NALCN: variants seen among roughly 807,000 people sequenced by gnomAD.
NALCN encodes the protein sodium leak channel, non-selective.
In NALCN, 111 loss-of-function variants were observed where a neutral mutation model predicts 225.3. That is an observed-to-expected ratio of 0.49 (90% CI 0.42 to 0.58). The LOEUF (loss-of-function observed/expected upper bound fraction) is 0.58, where lower values mean the gene tolerates loss of function less well. Among genes scored for constraint, NALCN ranks in the 20% least tolerant of loss-of-function variants. NALCN has a pLI of 0.00. For synonymous variants in NALCN, 764 were observed against 769.0 expected, an observed-to-expected ratio of 0.99 and a Z score of 0.11; for missense variants, 1,378 against 2,202.4, an observed-to-expected ratio of 0.63 and a Z score of 7.49.
chr13:101,099,124 T>C (rs923636372), intron 27 of NALCN, among the ~76,000 whole-genome samples: 1 of 150,458 alleles, frequency 6.6e-6, no homozygotes, highest in Admixed American at 6.6e-5. Flanking sequence ...TGAAGTGTTA[T>C]TATCTTTCTG....
intron 13 of NALCN, among the ~76,000 whole-genome samples, chr13:101,214,743 AG>A (rs2040664730): frequency 6.6e-6 from 1 of 152,110 alleles, no homozygotes; most frequent in African/African-American, 2.4e-5. Flanking sequence ...TAAGGTACAA[AG>A]TCATGAACCT....
intron 13 of NALCN, among the ~76,000 whole-genome samples, chr13:101,227,163 C>G (rs1355508455): frequency 6.6e-6 from 1 of 152,178 alleles, no homozygotes; most frequent in Admixed American, 6.5e-5. Flanking sequence ...ACCTCGACAC[C>G]TGTCAGCTCA....
chr13:101,178,069 T>C (rs1296428560), intron 14 of NALCN, among the ~76,000 whole-genome samples: 1 of 152,184 alleles, frequency 6.6e-6, no homozygotes, highest in Non-Finnish European at 1.5e-5. Flanking sequence ...ATCAGGCTTA[T>C]TCTGAACCAG....
At chr13:101,245,964 A>G (rs1176354274) in intron 11 of NALCN, among the ~76,000 whole-genome samples, 4 of 152,184 alleles carry the variant, frequency 2.6e-5, no homozygotes, top group African/African-American at 7.2e-5. Context: ...GTAGGTGGCC[A>G]ATGGGAAACC....
intron 7 of NALCN, among the ~76,000 whole-genome samples, chr13:101,324,707 CA>C (rs1463557329): frequency 2.0e-5 from 3 of 152,176 alleles, no homozygotes; most frequent in Admixed American, 2.0e-4. Flanking sequence ...GATATACAAT[CA>C]TGTCATCTGC....
rs893899221 is a variant in NALCN at position 101,055,397 on chromosome 13, G to A, written c.5115C>T (p.Pro1705=). 6.2e-7 allele frequency: 1 copy of A among 1,614,150 alleles called. No individual in the cohort carries two copies. The highest frequency in any genetic ancestry group is 1.1e-5 in the South Asian group (1 of 91,084). ...TMKSVVCKMN[P]MTDAASCGSE... is the part of the protein sequence containing the mutation. ...AACCGCAGGAAGCCGCGTCAGTCAT[G>A]GGGTTCATTTTGCACACGACAGATT... is the stretch of plus-strand genomic sequence containing the variant. Residue 1705 remains proline, a synonymous_variant, in exon 44 of 44, where the codon CCC becomes CCT. Coordinates refer to ENST00000251127, the MANE Select transcript of NALCN (RefSeq NM_052867.4).
intron 4 of NALCN, 62 bp from the exon 5 acceptor site, chr13:101,377,118 G>A (rs1402289769): frequency 1.9e-6 from 3 of 1,600,952 alleles, no homozygotes; most frequent in South Asian, 2.2e-5. Flanking sequence ...TATAGTCATG[G>A]AACATACAGA....
Position 101,235,192 on chromosome 13 carries a change from G to A in NALCN, c.1434+2563C>T, listed in dbSNP as rs1044822291. Among the ~76,000 whole-genome samples the A allele has an allele frequency of 9.9e-5, 15 of 151,828 alleles. 1 individual carries two copies. The highest frequency in any genetic ancestry group is 1.9e-4 in the East Asian group (1 of 5,176). On this transcript the variant is annotated intron_variant, in intron 12 of 43. Coordinates refer to ENST00000251127, the MANE Select transcript of NALCN (RefSeq NM_052867.4). ...CAATTATAATTTTATGGTTAAATTCGCGTTATGACTTATTAAGCTATTCCT... is the reference window on the plus strand; with the variant it reads ...CAATTATAATTTTATGGTTAAATTCACGTTATGACTTATTAAGCTATTCCT...
intron 37 of NALCN, among the ~76,000 whole-genome samples, chr13:101,071,303 T>A (rs1247091692): frequency 2.6e-5 from 4 of 152,250 alleles, no homozygotes; most frequent in African/African-American, 4.8e-5. Flanking sequence ...AGGCATTGAC[T>A]TCTCCTTTCT....
intron 7 of NALCN, among the ~76,000 whole-genome samples, chr13:101,340,084 G>A (rs552503236): frequency 3.3e-5 from 5 of 151,630 alleles, no homozygotes; most frequent in Non-Finnish European, 5.9e-5. Context: ...TGGCTAACAC[G>A]GTGAAACTCC....
intron 14 of NALCN, among the ~76,000 whole-genome samples, chr13:101,184,374 G>GT (rs1476641733): frequency 6.6e-6 from 1 of 152,114 alleles, no homozygotes; most frequent in Non-Finnish European, 1.5e-5. Context: ...TCTCACAGGC[G>GT]TTTGATTTCT....
intron 18 of NALCN, among the ~76,000 whole-genome samples, chr13:101,120,256 C>T (rs1440769594): frequency 2.6e-5 from 4 of 152,194 alleles, no homozygotes; most frequent in African/African-American, 9.6e-5. Flanking sequence ...AGCTCTCCAG[C>T]TTAATTTCCA....
chr13:101,178,142 G>A (rs542454284), intron 14 of NALCN, among the ~76,000 whole-genome samples: 15 of 152,160 alleles, frequency 9.9e-5, no homozygotes, highest in Middle Eastern at 3.4e-3. Flanking sequence ...CCAATACCTC[G>A]ACGACAGAAA....
chr13:101,180,406 G>C (rs1399082545), intron 14 of NALCN: 1 of 148,756 alleles, frequency 6.7e-6, no homozygotes, highest in Non-Finnish European at 1.5e-5. Context: ...GTAGAGACAA[G>C]GTTGACCAGG....
intron 7 of NALCN, among the ~76,000 whole-genome samples, chr13:101,323,011 C>A (rs1319712328): frequency 6.6e-6 from 1 of 152,054 alleles, no homozygotes; most frequent in African/African-American, 2.4e-5. Flanking sequence ...CTGCGCCTGG[C>A]CCTAAGCATC....
At chr13:101,131,466 T>C (rs984165918) in intron 17 of NALCN, among the ~76,000 whole-genome samples, 3 of 152,186 alleles carry the variant, frequency 2.0e-5, no homozygotes, top group African/African-American at 7.2e-5. Context: ...AATATATCGA[T>C]CAAATATGGT....
intron 15 of NALCN, among the ~76,000 whole-genome samples, chr13:101,163,704 G>T (rs2038299458): frequency 6.6e-6 from 1 of 152,024 alleles, no homozygotes; most frequent in Non-Finnish European, 1.5e-5. Flanking sequence ...GCTTTAGAAG[G>T]GATCGTTTCT....
At position 101,124,699 on chromosome 13, in the gene NALCN, A is replaced by T; in HGVS notation, c.2119-18T>A. On this transcript the variant is annotated intron_variant, in intron 17 of 43. Coordinates refer to ENST00000251127, the MANE Select transcript of NALCN (RefSeq NM_052867.4). ...TTGCGAAGCTGAAAATGATAAGAGT[A>T]TGACTTTTAGTTTTGGAATGTTAAG... 3.1e-6 allele frequency: 5 copies of T among 1,607,380 alleles called. No homozygotes were observed. The highest frequency in any genetic ancestry group is 4.3e-6 in the Non-Finnish European group (5 of 1,175,596).
intron 10 of NALCN, among the ~76,000 whole-genome samples, chr13:101,269,025 T>A (rs992890244): frequency 4.6e-5 from 7 of 152,180 alleles, no homozygotes; most frequent in African/African-American, 1.7e-4. Context: ...TCAATACCCC[T>A]GCATGACTTC....
Sources: gnomAD v4.1 joint callset for allele counts (sites outside exome capture counted in the v4.1 genomes callset) on GRCh38, gnomAD v4.1.1 for gene constraint, MANE v1.5 for transcripts, NCBI Gene and HGNC (gene_info 2026-07-23, HGNC 2026-07-21) for gene names.